The following CNBD2 variants were observed in gnomAD, a reference collection of about 807,000 sequenced individuals.
CNBD2 encodes cyclic nucleotide-binding domain-containing protein 2.
CNBD2 carries 64 observed loss-of-function variants against 63.7 expected under a neutral mutation model. The ratio of observed to expected loss-of-function variants is 1.00; its 90% CI spans 0.82 to 1.24. The LOEUF (loss-of-function observed/expected upper bound fraction) is 1.24. CNBD2 is among the 50% of genes most tolerant of loss of function. The probability of loss-of-function intolerance (pLI) is 0.00; values close to 1 mark genes in which losing one functional copy is unlikely to be tolerated. For synonymous variants in CNBD2, 229 were observed against 255.4 expected, an observed-to-expected ratio of 0.90 and a Z score of 0.99; for missense variants, 691 against 713.5, an observed-to-expected ratio of 0.97 and a Z score of 0.36.
intron 2 of CNBD2, among the ~76,000 whole-genome samples, chr20:35,961,454 T>A (rs1216644507): frequency 1.3e-5 from 2 of 152,220 alleles, no homozygotes; most frequent in African/African-American, 4.8e-5. Flanking sequence ...TGCTTTGATC[T>A]CTTGTTTTAA....
chr20:35,954,706 A>G (rs2147154630), upstream of CNBD2: 1 of 1,042,610 alleles, frequency 9.6e-7, no homozygotes, highest in South Asian at 1.6e-5. Flanking sequence ...ATGTTTGGAG[A>G]TAGACTTCAA....
chr20:36,009,494 G>A (rs1055338572), intron 9 of CNBD2, among the ~76,000 whole-genome samples: 1 of 149,446 alleles, frequency 6.7e-6, no homozygotes, highest in African/African-American at 2.4e-5. Context: ...GAGCCACCAC[G>A]CCCAACCGAC....
chr20:36,011,166 C>A lies in CNBD2; in HGVS notation c.1178C>A (p.Ala393Asp). The A allele has an allele frequency of 6.3e-7, 1 of 1,594,136 alleles. No individual in the cohort carries two copies. The highest frequency in any genetic ancestry group is 1.1e-5 in the South Asian group (1 of 87,866). The change falls in exon 10 of 12, where the codon GCC (alanine) becomes GAC (aspartate). Residue 393 changes from alanine (A) to aspartate (D), a missense_variant. By Grantham distance (126) the Ala-to-Asp change is moderately radical. Coordinates refer to ENST00000373973, the MANE Select transcript of CNBD2 (RefSeq NM_001365709.1). ...QSRPAQSIKC[A>D]MINIKPGELP... ...AGGCCTGCTCAGTCGATCAAATGTGCCATGATCAATATCAAGCCTGGTGAG... is the reference window on the plus strand; with the variant it reads ...AGGCCTGCTCAGTCGATCAAATGTGACATGATCAATATCAAGCCTGGTGAG...
chr20:35,989,891 AGAGGG>A (rs933239180), intron 7 of CNBD2, among the ~76,000 whole-genome samples: 32 of 98,006 alleles, frequency 3.3e-4, no homozygotes, highest in Admixed American at 2.2e-3. Context: ...GAGAGAGAGA[AGAGGG>A]GAGGGGAGGG....
chr20:36,006,023 G>T (rs1377246431), intron 8 of CNBD2, among the ~76,000 whole-genome samples: 2 of 150,312 alleles, frequency 1.3e-5, no homozygotes, highest in Non-Finnish European at 1.5e-5. Context: ...TCATACTAGA[G>T]ATTTTTTTTT....
rs1162613021 is a variant in CNBD2, at chr20:36,025,357, C to G, written c.1439+1586C>G. On this transcript the variant is annotated intron_variant, in intron 11 of 11. Transcript: ENST00000373973. ...TTTTTATTTACTTATTTTTTTGAGG[C>G]AGGTTCTCACTCTGTTCCCCAGGCT... Among the ~76,000 whole-genome samples, 3 of 151,962 alleles carry G rather than the reference C, an allele frequency of 2.0e-5. No individual in the cohort carries two copies. In the East Asian group the frequency reaches 5.8e-4, roughly 29 times the overall value.
chr20:35,954,461 G>A (rs2147153635), upstream of CNBD2: 1 of 1,548,412 alleles, frequency 6.5e-7, no homozygotes, highest in East Asian at 2.4e-5. Context: ...CACCAGCGAA[G>A]CGCCTGCGGC....
chr20:36,024,307 C>T (rs2057257362), intron 11 of CNBD2, among the ~76,000 whole-genome samples: 1 of 152,008 alleles, frequency 6.6e-6, no homozygotes, highest in South Asian at 2.1e-4. Context: ...TGCACTCCAG[C>T]CTGGGTAACA....
At chr20:36,019,323 G>C (rs1480547846) in intron 10 of CNBD2, among the ~76,000 whole-genome samples, 1 of 151,802 alleles carries the variant, frequency 6.6e-6, no homozygotes, top group African/African-American at 2.4e-5. Context: ...CCAGGATTTC[G>C]AGACCAGCCT....
At chr20:36,025,626 T>C (rs1265804871) in intron 11 of CNBD2, among the ~76,000 whole-genome samples, 6 of 148,756 alleles carry the variant, frequency 4.0e-5, no homozygotes, top group African/African-American at 1.6e-4. Context: ...AATAAATATG[T>C]ATCTTGAAAG....
chr20:35,980,383 G>A (rs146250613), intron 3 of CNBD2, 76 bp from the exon 4 acceptor site: 2 of 1,360,794 alleles, frequency 1.5e-6, no homozygotes, highest in East Asian at 4.6e-5. Flanking sequence ...GTACAAGCAG[G>A]ACTGTGGGGT....
At chr20:35,954,649 G>T, upstream of CNBD2, 1 of 1,281,414 alleles carries the variant, frequency 7.8e-7, no homozygotes, top group Admixed American at 3.3e-5. Context: ...TCCGAATGGT[G>T]GCGCCTCTGA....
chr20:36,025,992 T>C (rs1442840237), intron 11 of CNBD2, among the ~76,000 whole-genome samples: 1 of 152,116 alleles, frequency 6.6e-6, no homozygotes, highest in African/African-American at 2.4e-5. Context: ...TAGTGGATCT[T>C]GTACATCTCC....
chr20:36,019,835 A>C (rs939908293), intron 10 of CNBD2, among the ~76,000 whole-genome samples: 1 of 152,164 alleles, frequency 6.6e-6, no homozygotes, highest in African/African-American at 2.4e-5. Context: ...AGCTGTGTGC[A>C]TGCAGCAAGT....
At chr20:36,013,227 G>A (rs544716461) in intron 10 of CNBD2, among the ~76,000 whole-genome samples, 1 of 152,048 alleles carries the variant, frequency 6.6e-6, no homozygotes, top group Admixed American at 6.6e-5. Flanking sequence ...GACCATCCTG[G>A]CTAACATGAT....
At chr20:35,976,541 GGT>G (rs2056521570) in intron 3 of CNBD2, among the ~76,000 whole-genome samples, 1 of 152,134 alleles carries the variant, frequency 6.6e-6, no homozygotes, top group African/African-American at 2.4e-5. Flanking sequence ...AGTGAGCTAT[GGT>G]CGTATCACTG....
intron 8 of CNBD2, among the ~76,000 whole-genome samples, chr20:35,996,806 C>T (rs1158198256): frequency 6.6e-6 from 1 of 152,162 alleles, no homozygotes; most frequent in Non-Finnish European, 1.5e-5. Flanking sequence ...CCGCACCTGG[C>T]CTAATAACTC....
chr20:35,957,513 C>G (rs1430403495), downstream of CNBD2, among the ~76,000 whole-genome samples: 1 of 152,018 alleles, frequency 6.6e-6, no homozygotes, highest in Admixed American at 6.5e-5. Context: ...TATGTACACT[C>G]TACTTTGGTA....
chr20:35,981,662 ACT>A (rs1601033016), intron 4 of CNBD2, among the ~76,000 whole-genome samples: 1 of 151,602 alleles, frequency 6.6e-6, no homozygotes, highest in African/African-American at 2.4e-5. Flanking sequence ...GTGGTCTTGA[ACT>A]CCTGAGCTCA....
Sources: allele counts gnomAD v4.1 joint callset (sites outside exome capture counted in the v4.1 genomes callset), GRCh38; gene constraint gnomAD v4.1.1; transcripts MANE v1.5; gene names NCBI Gene and HGNC (gene_info 2026-07-23, HGNC 2026-07-21).